Variants in UHMK1 observed in about 807,000 individuals in gnomAD.
UHMK1 encodes the protein U2AF homology motif kinase 1.
UHMK1 carries 18 observed loss-of-function variants against 44.0 expected under a neutral mutation model. That is an observed-to-expected ratio of 0.41 (90% CI 0.28 to 0.61). UHMK1 has a LOEUF of 0.61. Among genes scored for constraint, UHMK1 ranks in the 20% least tolerant of loss-of-function variants. The probability of loss-of-function intolerance (pLI) is 0.31; values close to 1 mark genes in which losing one functional copy is unlikely to be tolerated. For missense variants in UHMK1, 463 were observed against 522.5 expected (o/e 0.89, Z 1.11); for synonymous variants, 231 against 198.5 (o/e 1.16, Z -1.38).
chr1:162,517,325 C>T (rs952142881), intron 6 of UHMK1, among the ~76,000 whole-genome samples: 1 of 151,896 alleles, frequency 6.6e-6, no homozygotes, highest in Non-Finnish European at 1.5e-5. Context: ...GAAAGAAATA[C>T]ACAAATGAAA....
chr1:162,525,871 C>T lies in UHMK1; in HGVS notation c.*3321C>T, dbSNP rs891786787. 6.6e-6 allele frequency: 1 copy of T among 152,116 alleles called. No individual in the cohort carries two copies. Among genetic ancestry groups the T allele is most frequent in the African/African-American group, 2.4e-5 (1 of 41,434 alleles). 9.4% of individuals were successfully genotyped at this position (152,116 alleles called of 1,614,324 possible). A position where few individuals can be genotyped will look rare whatever the true frequency, so the allele number is the denominator to read the frequency against. On this transcript the variant is annotated 3_prime_UTR_variant, in exon 8 of 8. Transcript: ENST00000489294. The stretch of plus-strand genomic sequence containing the variant: ...GAAATATTGCCTTCTTTTTGGTACT[C>T]CAGCTGCTAAAGAGTGCTGAGATAT...
chr1:162,505,595 T>C (rs1011445174), intron 4 of UHMK1, among the ~76,000 whole-genome samples: 3 of 152,198 alleles, frequency 2.0e-5, no homozygotes, highest in Non-Finnish European at 4.4e-5. Context: ...CGCTAGGCGA[T>C]AGGAATTTTT....
upstream of UHMK1, chr1:162,497,185 G>A (rs1053706375): frequency 2.1e-5 from 14 of 673,150 alleles, no homozygotes; most frequent in Non-Finnish European, 3.5e-5. Context: ...AGAACTTGTG[G>A]AGACCAAAGT....
At chr1:162,503,568 G>A (rs1036465417) in intron 3 of UHMK1, among the ~76,000 whole-genome samples, 186 bp from the exon 4 acceptor site, 20 of 146,720 alleles carry the variant, frequency 1.4e-4, no homozygotes, top group South Asian at 2.2e-4. Context: ...CTGAGATTGC[G>A]TCACTGCACT....
rs556613370 is a variant in UHMK1 at position 162,527,316 on chromosome 1, A to G, written c.*4766A>G. ...AGCATGTACTTGACAAGTGCCATGG[A>G]TATTTAAGAAGAAGGTAAATAATTT... is the stretch of plus-strand genomic sequence containing the variant. On this transcript the variant is annotated 3_prime_UTR_variant, in exon 8 of 8. Coordinates refer to ENST00000489294, the MANE Select transcript of UHMK1 (RefSeq NM_175866.5). The G allele has an allele frequency of 6.6e-6, 1 of 152,184 alleles. No individual in the cohort carries two copies. Among genetic ancestry groups the G allele is most frequent in the African/African-American group, 2.4e-5 (1 of 41,570 alleles). 9.4% of individuals were successfully genotyped at this position (152,184 alleles called of 1,614,324 possible).
Position 162,500,226 on chromosome 1 carries a change from T to C in UHMK1, c.540T>C (p.Leu180=). The change falls in exon 2 of 8, where the codon CTT becomes CTC. Residue 180 remains leucine (L), a synonymous_variant. Transcript: ENST00000489294. ...GTTTTAAACTCATTGACTTTGGACT[T>C]AGCTTCAAAGAAGGCAATCAGGTAA... ...NECFKLIDFG[L]SFKEGNQDVK... The C allele has an allele frequency of 1.2e-6, 2 of 1,610,860 alleles. No homozygotes were observed. Among genetic ancestry groups the C allele is most frequent in the Non-Finnish European group, 1.7e-6 (2 of 1,177,222 alleles).
intron 7 of UHMK1, among the ~76,000 whole-genome samples, chr1:162,519,001 AAC>A (rs202006781): frequency 1.6e-3 from 220 of 140,894 alleles, no homozygotes; most frequent in African/African-American, 3.1e-3. Flanking sequence ...AAAAAAAAAA[AAC>A]TACTTTTGAG....
At chr1:162,503,970 G>T in intron 4 of UHMK1, 122 bp downstream of exon 4, 1 of 752,248 alleles carries the variant, frequency 1.3e-6, no homozygotes, top group South Asian at 2.3e-5. Context: ...TAATGAAATA[G>T]TTTTACCAAA....
Position 162,497,912 on chromosome 1 carries a change from G to A in UHMK1, c.-89G>A, listed in dbSNP as rs1651109815. ...CAGGTCCCTCCCTGCGGAGCCGCTG[G>A]TCCGGCTGGCGGAGATGTGACCGCG... is the stretch of plus-strand genomic sequence containing the variant. On this transcript the variant is annotated 5_prime_UTR_variant, in exon 1 of 8. Coordinates refer to ENST00000489294, the MANE Select transcript of UHMK1 (RefSeq NM_175866.5). 2.8e-6 allele frequency: 4 copies of A among 1,430,360 alleles called. No homozygotes were observed. In the South Asian group the frequency reaches 4.6e-5, roughly 16 times the overall value. The allele number at this position is 1,430,360 out of a possible 1,614,324, so 88.6% of individuals were successfully genotyped here.
intron 4 of UHMK1, 22 bp downstream of exon 4, chr1:162,503,870 C>T (rs1175622755): frequency 3.1e-6 from 5 of 1,595,226 alleles, no homozygotes; most frequent in Non-Finnish European, 4.3e-6. Flanking sequence ...GTACCATAAA[C>T]TTGCTTTGCA....
chr1:162,498,683 C>T (rs1651156494), intron 1 of UHMK1, among the ~76,000 whole-genome samples: 1 of 152,108 alleles, frequency 6.6e-6, no homozygotes, highest in African/African-American at 2.4e-5. Flanking sequence ...TCGTATAGCT[C>T]ACCTATTATA....
intron 4 of UHMK1, among the ~76,000 whole-genome samples, chr1:162,507,583 T>TG (rs1385624644): frequency 6.9e-6 from 1 of 145,952 alleles, no homozygotes; most frequent in Non-Finnish European, 1.5e-5. Context: ...CATTCTTTCT[T>TG]TTTTTTTTTC....
rs371978900 is a variant in UHMK1, at chr1:162,500,243, A to G, written c.557A>G (p.Asn186Ser). The change falls in exon 2 of 8, where the codon AAT becomes AGT. Residue 186 changes from asparagine (N) to serine (S), a missense_variant. By Grantham distance (46) the Asn-to-Ser change is conservative. This residue lies in a region of UHMK1 where 264 missense variants were observed against 326.3 expected (regional missense o/e 0.81). Coordinates refer to ENST00000489294, the MANE Select transcript of UHMK1 (RefSeq NM_175866.5). The stretch of plus-strand genomic sequence containing the variant: ...TTTGGACTTAGCTTCAAAGAAGGCA[A>G]TCAGGTAAGAAATAACCTTTTCTTT... ...IDFGLSFKEGNQDVKYIQTDG... is the reference protein window; with the variant it reads ...IDFGLSFKEGSQDVKYIQTDG... 4.3e-6 allele frequency: 7 copies of G among 1,609,832 alleles called. No individual in the cohort carries two copies. The East Asian group carries it at 1.6e-4, about 36-fold the overall frequency.
chr1:162,504,873 C>G (rs918555650), intron 4 of UHMK1, among the ~76,000 whole-genome samples: 3 of 152,138 alleles, frequency 2.0e-5, no homozygotes, highest in African/African-American at 7.2e-5. Flanking sequence ...CTCCCAGATT[C>G]AAGCGATTCT....
Position 162,510,681 on chromosome 1 carries a change from A to G in UHMK1, c.849-1819A>G, listed in dbSNP as rs1053053519. On this transcript the variant is annotated intron_variant, in intron 4 of 7. Transcript: ENST00000489294. ...ACATCTGTTTTTTAATTTTTTTTTTAAGCTAACATGCAAGAAATGAACACT... is the reference window on the plus strand; with the variant it reads ...ACATCTGTTTTTTAATTTTTTTTTTGAGCTAACATGCAAGAAATGAACACT... 2.1e-5 allele frequency among the ~76,000 whole-genome samples: 3 copies of G among 144,470 alleles called. No homozygotes were observed. In the East Asian group the frequency reaches 6.0e-4, roughly 29 times the overall value. 94.8% of individuals were successfully genotyped at this position (144,470 alleles called of 152,430 possible).
At chr1:162,508,158 C>A (rs748600040) in intron 4 of UHMK1, among the ~76,000 whole-genome samples, 20 of 152,008 alleles carry the variant, frequency 1.3e-4, no homozygotes, top group Non-Finnish European at 2.9e-4. Context: ...CTCTGTCACC[C>A]AGGCTGGAGT....
chr1:162,503,848 G>A lies in UHMK1; in HGVS notation c.848G>A (p.Ser283Asn), dbSNP rs1288666608. 6.2e-7 allele frequency: 1 copy of A among 1,613,358 alleles called. No homozygotes were observed. Among genetic ancestry groups the A allele is most frequent in the Admixed American group, 1.7e-5 (1 of 59,976 alleles). The change falls in exon 4 of 8, where the codon AGC (serine) becomes AAC (asparagine). Residue 283 changes from serine (S) to asparagine (N), a missense_variant and splice_region_variant. Ser to Asn is a conservative substitution (Grantham distance 46). This residue lies in a region of UHMK1 where 264 missense variants were observed against 326.3 expected (regional missense o/e 0.81). Coordinates refer to ENST00000489294, the MANE Select transcript of UHMK1 (RefSeq NM_175866.5). ...TATCACCTAAGAGACCTTATCAAAA[G>A]GTATGTTACACGTACCATAAACTTG... ...PAYHLRDLIK[S>N]MLHDDPSRRI...
rs1166273985 is a variant in UHMK1, at chr1:162,528,517, T to C, written c.*5967T>C. 2.0e-5 allele frequency: 3 copies of C among 152,132 alleles called. No homozygotes were observed. Among genetic ancestry groups the C allele is most frequent in the Admixed American group, 6.6e-5 (1 of 15,260 alleles). 9.4% of individuals were successfully genotyped at this position (152,132 alleles called of 1,614,324 possible). A position where few individuals can be genotyped will look rare whatever the true frequency, so the allele number is the denominator to read the frequency against. On this transcript the variant is annotated 3_prime_UTR_variant, in exon 8 of 8. Coordinates refer to ENST00000489294, the MANE Select transcript of UHMK1 (RefSeq NM_175866.5). ...TATACTCCAGCTTTTGTGTATTTGGTGTACATCACCACTTATGCAAATCAA... is the reference window on the plus strand; with the variant it reads ...TATACTCCAGCTTTTGTGTATTTGGCGTACATCACCACTTATGCAAATCAA...
Position 162,528,057 on chromosome 1 carries a change from C to T in UHMK1, c.*5507C>T, listed in dbSNP as rs1652310169. On this transcript the variant is annotated 3_prime_UTR_variant, in exon 8 of 8. Coordinates refer to ENST00000489294, the MANE Select transcript of UHMK1 (RefSeq NM_175866.5). Reference sequence around the variant, plus strand: ...CCCAGGTTGGAATTGCTTTCCCCTTCTAAGTTATCTTCCCTTAATAATATT... The same window carrying T: ...CCCAGGTTGGAATTGCTTTCCCCTTTTAAGTTATCTTCCCTTAATAATATT... 2 of 151,958 alleles carry T rather than the reference C, an allele frequency of 1.3e-5. No individual in the cohort carries two copies. Among genetic ancestry groups the T allele is most frequent in the African/African-American group, 2.4e-5 (1 of 41,388 alleles). 9.4% of individuals were successfully genotyped at this position (151,958 alleles called of 1,614,324 possible). A position where few individuals can be genotyped will look rare whatever the true frequency, so the allele number is the denominator to read the frequency against.
Sources: gnomAD v4.1 joint callset for allele counts (sites outside exome capture counted in the v4.1 genomes callset) on GRCh38, gnomAD v4.1.1 for gene constraint, gnomAD v4.1.1 regional missense constraint, MANE v1.5 for transcripts, NCBI Gene and HGNC (gene_info 2026-07-23, HGNC 2026-07-21) for gene names.